Variants in SSH1 observed in about 807,000 individuals in gnomAD.
SSH1 encodes slingshot protein phosphatase 1.
In SSH1, 43 loss-of-function variants were observed where a neutral mutation model predicts 79.7. That is an observed-to-expected ratio of 0.54 (90% CI 0.42 to 0.70). The LOEUF is 0.70. Among genes scored for constraint, SSH1 ranks in the 30% least tolerant of loss-of-function variants. The pLI, the probability that SSH1 is intolerant of heterozygous loss-of-function variation, is 0.00. For missense variants in SSH1, 1,206 were observed against 1,358.8 expected, an observed-to-expected ratio of 0.89 and a Z score of 1.77; for synonymous variants, 599 against 538.3, an observed-to-expected ratio of 1.11 and a Z score of -1.56.
chr12:108,817,129 G>A lies in SSH1; in HGVS notation c.310C>T (p.Arg104Trp), dbSNP rs773595034. 5.6e-6 allele frequency: 9 copies of A among 1,614,108 alleles called. No individual in the cohort carries two copies. Among genetic ancestry groups the A allele is most frequent in the South Asian group, 2.2e-5 (2 of 91,088 alleles). ...AVRLESAWADRVRYMVVVYSS... is the reference protein window; with the variant it reads ...AVRLESAWADWVRYMVVVYSS... ...TACACCACCACCATGTACCGGACCC[G>A]GTCCGCCCAGGCGCTCTCCAGGCGC... Residue 104 changes from arginine to tryptophan, a missense_variant, in exon 5 of 15, where the codon CGG becomes TGG. Physicochemically the swap from Arg to Trp is moderately radical, Grantham distance 101. Around this residue, in one of 5 missense-constraint regions of SSH1, gnomAD observed 115 missense variants for 173.9 expected, o/e 0.66. Coordinates refer to ENST00000326495, the MANE Select transcript of SSH1 (RefSeq NM_018984.4).
At chr12:108,826,669 C>T (rs1036627011) in intron 2 of SSH1, among the ~76,000 whole-genome samples, 1 of 152,174 alleles carries the variant, frequency 6.6e-6, no homozygotes, top group Non-Finnish European at 1.5e-5. Flanking sequence ...GAGCCTCATG[C>T]GCCCTCTGCG....
chr12:108,837,286 G>A (rs564464535), intron 2 of SSH1, among the ~76,000 whole-genome samples: 8 of 152,270 alleles, frequency 5.3e-5, no homozygotes, highest in Admixed American at 2.0e-4. Flanking sequence ...GAAAGACTGA[G>A]GAAGGTTCCA....
chr12:108,817,443 C>T lies in SSH1; in HGVS notation c.280-284G>A, dbSNP rs140999325. 1,541 of 376,994 alleles carry T rather than the reference C, an allele frequency of 4.1e-3. 27 individuals are homozygous for T. Among genetic ancestry groups the T allele is most frequent in the African/African-American group, 0.032 (1,460 of 45,390 alleles). The allele number at this position is 376,994 out of a possible 1,614,324, so 23.4% of individuals were successfully genotyped here. On this transcript the variant is annotated intron_variant, in intron 4 of 14. Transcript: ENST00000326495. ...TACAAAAATTAGCTGGGCATGGTGG[C>T]GTGCGCCTGTAATCCCAGCTACTCA...
chr12:108,800,207 G>A (rs1196393011), intron 12 of SSH1, among the ~76,000 whole-genome samples: 1 of 152,122 alleles, frequency 6.6e-6, no homozygotes, highest in Non-Finnish European at 1.5e-5. Context: ...GAGCTGTTTC[G>A]CAGGGGAATA....
chr12:108,855,759 G>GT (rs2137304924), intron 1 of SSH1, among the ~76,000 whole-genome samples: 1 of 152,344 alleles, frequency 6.6e-6, no homozygotes, highest in Non-Finnish European at 1.5e-5. Flanking sequence ...TAACTTCTCA[G>GT]TAGCAGGCTA....
At chr12:108,809,982 C>G (rs1024303821) in intron 6 of SSH1, among the ~76,000 whole-genome samples, 10 of 152,056 alleles carry the variant, frequency 6.6e-5, no homozygotes, top group Non-Finnish European at 1.3e-4. Flanking sequence ...CCCAGCACTG[C>G]GAGTTCCACC....
In SSH1 at chr12:108,807,428, T is replaced by C. The variant is rs2037336004; in HGVS notation, c.731+205A>G. Among the ~76,000 whole-genome samples the C allele has an allele frequency of 6.6e-6, 1 of 151,826 alleles. No individual in the cohort carries two copies. The highest frequency in any genetic ancestry group is 1.5e-5 in the Non-Finnish European group (1 of 67,934). ...CCAAATTCATCAGTAATTTTTTTTT[T>C]TTTTTTCTTTTTTTTGCATGGGACA... On this transcript the variant is annotated intron_variant, in intron 8 of 14. Coordinates refer to ENST00000326495, the MANE Select transcript of SSH1 (RefSeq NM_018984.4). The surrounding 1 kb of genome is among the most constrained non-coding windows in gnomAD (Gnocchi z 5.2).
rs534113076 is a variant in SSH1 at position 108,782,336 on chromosome 12, G to A, written c.*5652C>T. 6.6e-6 allele frequency: 1 copy of A among 151,860 alleles called. No homozygotes were observed. The highest frequency in any genetic ancestry group is 2.1e-4 in the South Asian group (1 of 4,804). The allele number at this position is 151,860 out of a possible 1,614,324, so 9.4% of individuals were successfully genotyped here. On this transcript the variant is annotated 3_prime_UTR_variant, in exon 15 of 15. Transcript: ENST00000326495. ...GGGAGCAGGTTAGATGTTCTTTAGT[G>A]CACACCTCTGGCTTTACATTTCCTA...
At chr12:108,809,943 A>G (rs1160438569) in intron 6 of SSH1, among the ~76,000 whole-genome samples, 185 bp from the exon 7 acceptor site, 2 of 152,182 alleles carry the variant, frequency 1.3e-5, no homozygotes, top group Non-Finnish European at 2.9e-5. Context: ...AAAGAGACAC[A>G]TTCCCAGATG....
intron 2 of SSH1, among the ~76,000 whole-genome samples, chr12:108,840,960 T>C (rs1490105662): frequency 6.6e-6 from 1 of 152,188 alleles, no homozygotes; most frequent in Non-Finnish European, 1.5e-5. Flanking sequence ...ATAAAACTCG[T>C]GATAGTCAGT....
In SSH1 at chr12:108,788,635, C is replaced by T. The variant is rs143900405; in HGVS notation, c.2503G>A (p.Val835Met). Residue 835 changes from valine to methionine, a missense_variant, in exon 15 of 15, where the codon GTG (valine) becomes ATG (methionine). Val to Met is a conservative substitution (Grantham distance 21, BLOSUM62 1). Coordinates refer to ENST00000326495, the MANE Select transcript of SSH1 (RefSeq NM_018984.4). ...GAGGGAGGTGCTGGGTCTGCAGGCA[C>T]GCTCTTCAGCCGCTCTAGCTCTTTG... ...HTKELERLKS[V>M]PADPAPPSRD... 1.4e-5 allele frequency: 22 copies of T among 1,612,900 alleles called. No homozygotes were observed. The highest frequency in any genetic ancestry group is 1.7e-4 in the Middle Eastern group (1 of 6,056).
rs144961711 is a variant in SSH1, at chr12:108,796,354, C to T, written c.1349+2646G>A. 6.0e-3 allele frequency among the ~76,000 whole-genome samples: 911 copies of T among 152,336 alleles called. 6 individuals are homozygous for T. Among genetic ancestry groups the T allele is most frequent in the Non-Finnish European group, 9.2e-3 (629 of 68,034 alleles). ...AAATTCGGTACCCATTGAACAGTAA[C>T]TCCCCATTCCCTTCTTCCAGTCCCT... On this transcript the variant is annotated intron_variant, in intron 13 of 14. Coordinates refer to ENST00000326495, the MANE Select transcript of SSH1 (RefSeq NM_018984.4).
At chr12:108,806,195 G>A in intron 9 of SSH1, 106 bp downstream of exon 9, 1 of 1,084,956 alleles carries the variant, frequency 9.2e-7, no homozygotes, top group Non-Finnish European at 1.4e-6. Flanking sequence ...CCAGAGGACA[G>A]GTAAAGACAA....
At chr12:108,841,573 C>T (rs536923576) in intron 2 of SSH1, among the ~76,000 whole-genome samples, 11 of 152,144 alleles carry the variant, frequency 7.2e-5, no homozygotes, top group East Asian at 3.9e-4. Context: ...TTTGGGAGGC[C>T]GAGGCGAGTG....
chr12:108,810,760 G>T (rs557601647), intron 6 of SSH1, among the ~76,000 whole-genome samples: 1 of 152,180 alleles, frequency 6.6e-6, no homozygotes, highest in Non-Finnish European at 1.5e-5. Flanking sequence ...GACGCTAGAC[G>T]GCCCCTCATC....
At chr12:108,830,911 C>T (rs531011205) in intron 2 of SSH1, among the ~76,000 whole-genome samples, 16 of 151,102 alleles carry the variant, frequency 1.1e-4, no homozygotes, top group African/African-American at 3.7e-4. Context: ...TCCCAAAGTG[C>T]TGGGGTGACA....
chr12:108,795,017 C>G (rs1385235142), intron 13 of SSH1, among the ~76,000 whole-genome samples: 1 of 152,202 alleles, frequency 6.6e-6, no homozygotes, highest in African/African-American at 2.4e-5. Flanking sequence ...TGACTCTCTT[C>G]CCCCTACCCC....
Position 108,807,537 on chromosome 12 carries a change from G to A in SSH1, c.731+96C>T, listed in dbSNP as rs1213952405. The stretch of plus-strand genomic sequence containing the variant: ...ACTCAAGGGACTCCAGGGGAGGTGT[G>A]GCCCAATGCAGGTTCAGGGTCGGGC... On this transcript the variant is annotated intron_variant, in intron 8 of 14. Coordinates refer to ENST00000326495, the MANE Select transcript of SSH1 (RefSeq NM_018984.4). The surrounding 1 kb of genome is among the most constrained non-coding windows in gnomAD (Gnocchi z 5.2). 3.3e-6 allele frequency: 4 copies of A among 1,196,474 alleles called. No individual in the cohort carries two copies. The highest frequency in any genetic ancestry group is 4.9e-6 in the Non-Finnish European group (4 of 815,828). The allele number at this position is 1,196,474 out of a possible 1,614,324, so 74.1% of individuals were successfully genotyped here.
Position 108,781,217 on chromosome 12 carries a change from A to G in SSH1, c.*6771T>C, listed in dbSNP as rs552642915. The G allele has an allele frequency of 6.6e-6, 1 of 152,204 alleles. No homozygotes were observed. The highest frequency in any genetic ancestry group is 2.4e-5 in the African/African-American group (1 of 41,488). 9.4% of individuals were successfully genotyped at this position (152,204 alleles called of 1,614,324 possible). The stretch of plus-strand genomic sequence containing the variant: ...GAGGATCATCAGAAACCAGGAGTTC[A>G]AGACCAGTCTGGGCAACATAGTGAG... On this transcript the variant is annotated 3_prime_UTR_variant, in exon 15 of 15. Coordinates refer to ENST00000326495, the MANE Select transcript of SSH1 (RefSeq NM_018984.4).
Sources: gnomAD v4.1 joint callset for allele counts (sites outside exome capture counted in the v4.1 genomes callset) on GRCh38, gnomAD v4.1.1 for gene constraint, gnomAD v4.1.1 regional missense constraint, Gnocchi (gnomAD v3.1) non-coding constraint, MANE v1.5 for transcripts, NCBI Gene and HGNC (gene_info 2026-07-23, HGNC 2026-07-21) for gene names.